The following RARB variants were observed in gnomAD, a reference collection of about 807,000 sequenced individuals.
RARB encodes the protein retinoic acid receptor beta.
Under a neutral mutation model 51.9 loss-of-function variants are expected in RARB, and 17 were observed. That is an observed-to-expected ratio of 0.33 (90% CI 0.22 to 0.49). RARB has a LOEUF of 0.49. Among genes scored for constraint, RARB ranks in the 20% least tolerant of loss-of-function variants. The pLI, the probability that RARB is intolerant of heterozygous loss-of-function variation, is 0.99. For synonymous variants in RARB, 215 were observed against 195.4 expected (o/e 1.10, Z -0.84); for missense variants, 369 against 550.8 (o/e 0.67, Z 3.30).
rs541942723 is a variant in RARB at position 25,205,598 on chromosome 3, A to T, written c.178+31023A>T. 1.5e-3 allele frequency among the ~76,000 whole-genome samples: 231 copies of T among 152,300 alleles called. 1 individual carries two copies. Among genetic ancestry groups the T allele is most frequent in the African/African-American group, 5.4e-3 (225 of 41,560 alleles). On this transcript the variant is annotated intron_variant, in intron 5 of 11. Transcript: ENST00000383772. The stretch of plus-strand genomic sequence containing the variant: ...CTGCAATGTTTTTAACCCAAAAAAA[A>T]TAAATGCTTGAGGTGATGGACTCCC...
At chr3:25,150,376 C>T (rs1700264855) in intron 4 of RARB, among the ~76,000 whole-genome samples, 1 of 152,142 alleles carries the variant, frequency 6.6e-6, no homozygotes, top group African/African-American at 2.4e-5. Context: ...CCCAGAGCCC[C>T]AATCCTGGCT....
intron 5 of RARB, among the ~76,000 whole-genome samples, chr3:25,274,902 C>A (rs967623263): frequency 2.0e-5 from 3 of 152,112 alleles, no homozygotes; most frequent in African/African-American, 7.2e-5. Flanking sequence ...CCAAGCTCAA[C>A]AGCAATGGGG....
intron 3 of RARB, among the ~76,000 whole-genome samples, chr3:25,125,610 A>G (rs1699848567): frequency 6.6e-6 from 1 of 152,170 alleles, no homozygotes; most frequent in African/African-American, 2.4e-5. Flanking sequence ...AAGAAGACAT[A>G]ATAAATTGAA....
chr3:25,228,281 CTT>C (rs1394222193), intron 5 of RARB, among the ~76,000 whole-genome samples: 1 of 127,184 alleles, frequency 7.9e-6, no homozygotes, highest in African/African-American at 3.0e-5. Flanking sequence ...ATACTCTACT[CTT>C]TGTTTGCCAT....
intron 3 of RARB, among the ~76,000 whole-genome samples, chr3:25,064,233 T>G (rs1362518028): frequency 6.6e-6 from 1 of 152,122 alleles, no homozygotes; most frequent in Non-Finnish European, 1.5e-5. Flanking sequence ...AATAGTAATA[T>G]AATGGCAATA....
chr3:24,989,679 T>C (rs539924203), intron 2 of RARB, among the ~76,000 whole-genome samples: 3 of 107,012 alleles, frequency 2.8e-5, no homozygotes, highest in Non-Finnish European at 3.8e-5. Flanking sequence ...TTGTGTTAAA[T>C]ACTAAGCCTT....
At chr3:25,466,282 G>A (rs568424536) in intron 2 of RARB, among the ~76,000 whole-genome samples, 1 of 152,244 alleles carries the variant, frequency 6.6e-6, no homozygotes, top group East Asian at 1.9e-4. Context: ...CTGCCTCCCG[G>A]GTTCAAGCAA....
rs552675376 is a variant in RARB at position 25,597,127 on chromosome 3, AACAGGACTATTG to A, written c.*524_*535del. 141 of 153,484 alleles carry A rather than the reference AACAGGACTATTG, an allele frequency of 9.2e-4. No individual in the cohort carries two copies. The highest frequency in any genetic ancestry group is 3.4e-3 in the Middle Eastern group (1 of 294). 9.5% of individuals were successfully genotyped at this position (153,484 alleles called of 1,614,324 possible). A position where few individuals can be genotyped will look rare whatever the true frequency, so the allele number is the denominator to read the frequency against. ...AATAGTCAAGACATCAAGGTAAGGAAACAGGACTATTGACAGGACTATTGTACAGTATGACAA... is the reference window on the plus strand; with the variant it reads ...AATAGTCAAGACATCAAGGTAAGGAAACAGGACTATTGTACAGTATGACAA... On this transcript the variant is annotated 3_prime_UTR_variant, in exon 8 of 8. Transcript: ENST00000330688.
At chr3:25,409,800 C>T (rs914893131) in intron 5 of RARB, among the ~76,000 whole-genome samples, 1 of 152,162 alleles carries the variant, frequency 6.6e-6, no homozygotes, top group African/African-American at 2.4e-5. Context: ...GCACATGTCA[C>T]CATAGATTCC....
At chr3:25,090,989 A>G (rs1699188219) in intron 3 of RARB, among the ~76,000 whole-genome samples, 1 of 152,196 alleles carries the variant, frequency 6.6e-6, no homozygotes, top group African/African-American at 2.4e-5. Flanking sequence ...GAAGTAGGTT[A>G]AAGGACATAA....
chr3:25,389,840 G>T (rs766772690), intron 5 of RARB, among the ~76,000 whole-genome samples: 1 of 152,178 alleles, frequency 6.6e-6, no homozygotes, highest in Non-Finnish European at 1.5e-5. Context: ...CAAGGGAAAA[G>T]AGCATTAGCC....
At chr3:25,141,885 C>G (rs1475301324) in intron 4 of RARB, among the ~76,000 whole-genome samples, 1 of 152,104 alleles carries the variant, frequency 6.6e-6, no homozygotes, top group Non-Finnish European at 1.5e-5. Context: ...CAGTAGGATA[C>G]ATGCATGTGA....
Position 25,105,878 on chromosome 3 carries a change from A to T in RARB, c.-327-26283A>T, listed in dbSNP as rs76403392. Among the ~76,000 whole-genome samples the T allele has an allele frequency of 4.7e-3, 722 of 152,334 alleles. 13 individuals carry two copies. The highest frequency in any genetic ancestry group is 0.045 in the South Asian group (218 of 4,826). On this transcript the variant is annotated intron_variant, in intron 3 of 11. Coordinates refer to the RARB transcript ENST00000383772. The stretch of plus-strand genomic sequence containing the variant: ...TTATCAATTTTAACATCAGAGGAAA[A>T]TTAAGGCATGTATTTCCCAAGTATA...
In RARB at chr3:25,460,262, G is replaced by A. The variant is rs555093737; in HGVS notation, c.158-931G>A. 8.6e-4 allele frequency among the ~76,000 whole-genome samples: 131 copies of A among 152,068 alleles called. 1 individual carries two copies. The highest frequency in any genetic ancestry group is 2.8e-3 in the African/African-American group (118 of 41,470). ...TTCTAATAAGATCTTAAGTGATGCC[G>A]ATGCATGTTGGCCCAAGGAGCCTTC... On this transcript the variant is annotated intron_variant, in intron 1 of 7. Transcript: ENST00000330688.
chr3:25,276,604 T>A (rs546711057), intron 5 of RARB, among the ~76,000 whole-genome samples: 7 of 152,314 alleles, frequency 4.6e-5, no homozygotes, highest in African/African-American at 1.7e-4. Context: ...GTAAAAGTTT[T>A]GAAAGAAAGA....
intron 2 of RARB, among the ~76,000 whole-genome samples, chr3:25,484,946 G>T (rs1696388982): frequency 6.6e-6 from 1 of 152,158 alleles, no homozygotes; most frequent in Non-Finnish European, 1.5e-5. Flanking sequence ...TTATAAATAT[G>T]AGTCTTAGCT....
At chr3:25,029,349 T>C (rs762875156) in intron 2 of RARB, among the ~76,000 whole-genome samples, 1 of 152,212 alleles carries the variant, frequency 6.6e-6, no homozygotes, top group Non-Finnish European at 1.5e-5. Flanking sequence ...GTAAGTTTCC[T>C]CTTCTTAGAA....
chr3:25,288,246 G>A (rs921781071), intron 5 of RARB, among the ~76,000 whole-genome samples: 1 of 152,042 alleles, frequency 6.6e-6, no homozygotes, highest in Non-Finnish European at 1.5e-5. Flanking sequence ...AGAGAAAGGA[G>A]GAAAATGGCT....
intron 2 of RARB, among the ~76,000 whole-genome samples, chr3:25,498,764 A>G (rs1418655416): frequency 6.6e-6 from 1 of 152,174 alleles, no homozygotes; most frequent in East Asian, 1.9e-4. Context: ...CTTCCCACGT[A>G]TATAAAAGAC....
Sources: allele counts gnomAD v4.1 joint callset (sites outside exome capture counted in the v4.1 genomes callset), GRCh38; gene constraint gnomAD v4.1.1; transcripts MANE v1.5; gene names NCBI Gene and HGNC (gene_info 2026-07-23, HGNC 2026-07-21).